The following POLN variants were observed in gnomAD, a reference collection of about 807,000 sequenced individuals.
The protein encoded by POLN is DNA polymerase nu, also known as DNA polymerase N.
POLN carries 108 observed loss-of-function variants against 113.5 expected under a neutral mutation model. The observed-to-expected ratio is 0.95, with a 90% CI of 0.81 to 1.12. The LOEUF (loss-of-function observed/expected upper bound fraction) is 1.12. Among genes scored for constraint, POLN ranks in the 50% most tolerant of loss-of-function variants. POLN has a pLI of 0.00. For synonymous variants in POLN, 386 were observed against 391.5 expected (o/e 0.99, Z 0.17); for missense variants, 1,097 against 1,077.1 (o/e 1.02, Z -0.26).
intron 3 of POLN, 38 bp downstream of exon 3, chr4:2,229,061 A>G: frequency 6.5e-7 from 1 of 1,537,564 alleles, no homozygotes; most frequent in South Asian, 1.2e-5. Context: ...TAACATTCAA[A>G]GTATCAAGAG....
intron 16 of POLN, among the ~76,000 whole-genome samples, chr4:2,149,827 T>A (rs1354866188): frequency 6.6e-6 from 1 of 151,812 alleles, no homozygotes; most frequent in Non-Finnish European, 1.5e-5. Context: ...CTCACACCTG[T>A]AATCCTAGCA....
At chr4:2,072,573 C>T (rs1012999603) in intron 25 of POLN, among the ~76,000 whole-genome samples, 43 of 152,214 alleles carry the variant, frequency 2.8e-4, no homozygotes, top group African/African-American at 8.9e-4. Context: ...GGGTAGGCTG[C>T]GGCCGGCAGA....
intron 2 of POLN, among the ~76,000 whole-genome samples, chr4:2,232,705 A>G (rs951011155): frequency 6.6e-6 from 1 of 151,002 alleles, no homozygotes; most frequent in Non-Finnish European, 1.5e-5. Context: ...TCCTAATCAT[A>G]TAATTTTCCT....
chr4:2,192,814 AAT>A (rs1042839251), intron 7 of POLN, among the ~76,000 whole-genome samples: 1 of 149,744 alleles, frequency 6.7e-6, no homozygotes, highest in Admixed American at 6.6e-5. Context: ...AAAAAATAAA[AAT>A]ATATATATAT....
chr4:2,141,995 C>G (rs1732014026), intron 16 of POLN, among the ~76,000 whole-genome samples: 1 of 152,192 alleles, frequency 6.6e-6, no homozygotes, highest in Non-Finnish European at 1.5e-5. Context: ...CTCTCATGCT[C>G]TCCCCCTCAG....
At chr4:2,214,388 A>C (rs1283811298) in intron 3 of POLN, among the ~76,000 whole-genome samples, 1 of 152,224 alleles carries the variant, frequency 6.6e-6, no homozygotes, top group African/African-American at 2.4e-5. Context: ...GGCTGGTATA[A>C]CTAGCACCAC....
intron 4 of POLN, among the ~76,000 whole-genome samples, chr4:2,210,103 A>T (rs1224308171): frequency 1.3e-5 from 2 of 151,732 alleles, no homozygotes; most frequent in Non-Finnish European, 2.9e-5. Flanking sequence ...ACATGTTATG[A>T]AAATTTTAAA....
intron 16 of POLN, among the ~76,000 whole-genome samples, chr4:2,149,860 G>T (rs1732246535): frequency 6.6e-6 from 1 of 152,024 alleles, no homozygotes; most frequent in Admixed American, 6.6e-5. Context: ...AAGGAGGGCG[G>T]ATCACGAGGT....
intron 3 of POLN, among the ~76,000 whole-genome samples, chr4:2,225,973 A>G: frequency 6.6e-6 from 1 of 152,098 alleles, no homozygotes; most frequent in African/African-American, 2.4e-5. Context: ...TGGGCGACAG[A>G]GCAAGACCCT....
At chr4:2,159,280 T>C in intron 13 of POLN, 69 bp from the exon 14 acceptor site, 4 of 1,277,158 alleles carry the variant, frequency 3.1e-6, no homozygotes, top group Non-Finnish European at 4.5e-6. Flanking sequence ...TATTTTCATC[T>C]GGAGAAAGTC....
chr4:2,095,982 G>A (rs1459492299), intron 19 of POLN, 49 bp from the exon 20 acceptor site: 1 of 1,516,416 alleles, frequency 6.6e-7, no homozygotes, highest in Non-Finnish European at 9.2e-7. Context: ...GGCACTGTCA[G>A]TGCAGGGCAG....
chr4:2,241,467 A>G, intron 2 of POLN, 53 bp downstream of exon 2: 4 of 982,370 alleles, frequency 4.1e-6, no homozygotes, highest in Non-Finnish European at 4.8e-6. Flanking sequence ...CTCCGTACGT[A>G]AGAAGACGCA....
At chr4:2,128,323 T>C (rs2108724400) in intron 18 of POLN, 96 bp from the exon 19 acceptor site, 1 of 714,064 alleles carries the variant, frequency 1.4e-6, no homozygotes, top group Non-Finnish European at 2.4e-6. Context: ...CCTGACTCTG[T>C]AGCCTCAAGG....
chr4:2,077,632 G>A (rs1730307053), intron 23 of POLN, among the ~76,000 whole-genome samples: 1 of 152,230 alleles, frequency 6.6e-6, no homozygotes, highest in African/African-American at 2.4e-5. Context: ...TTTTCAAATG[G>A]GCAGAAACCT....
rs113190849 is a variant in POLN, at chr4:2,174,817, A to G, written c.1249-66T>C. ...ATTATTGTATCTGCATTTTGTTGAA[A>G]AGCCTACTTTTTTTTTTTTTTTTGA... On this transcript the variant is annotated intron_variant, in intron 9 of 25. Transcript: ENST00000511885. 4.6e-4 allele frequency: 580 copies of G among 1,270,706 alleles called. 2 individuals carry two copies. In the African/African-American group the frequency reaches 8.6e-3, roughly 19 times the overall value. 78.7% of individuals were successfully genotyped at this position (1,270,706 alleles called of 1,614,324 possible).
chr4:2,204,109 C>CAAAAAAAAAAAAAAAAAAAAAAAAAAAA (rs566255148), intron 5 of POLN, among the ~76,000 whole-genome samples: 1 of 53,234 alleles, frequency 1.9e-5, no homozygotes. Flanking sequence ...AACTCTATCA[C>CAAAAAAAAAAAAAAAAAAAAAAAAAAAA]AAAAAAAAAA....
intron 3 of POLN, among the ~76,000 whole-genome samples, chr4:2,221,561 C>T (rs142803386): frequency 3.3e-5 from 5 of 151,956 alleles, no homozygotes; most frequent in Admixed American, 1.3e-4. Context: ...AAGAATGCAA[C>T]CTTTTGTCTC....
At chr4:2,176,234 T>C (rs1180523634) in intron 9 of POLN, 32 bp downstream of exon 9, 1 of 1,561,902 alleles carries the variant, frequency 6.4e-7, no homozygotes, top group Non-Finnish European at 8.8e-7. Context: ...TGTGAGCCTC[T>C]GTCAGCCAGA....
chr4:2,167,016 G>T (rs963682157), intron 13 of POLN, among the ~76,000 whole-genome samples: 1 of 152,166 alleles, frequency 6.6e-6, no homozygotes, highest in African/African-American at 2.4e-5. Flanking sequence ...CGCTGGAATA[G>T]ATATTCCATG....
Sources: allele counts gnomAD v4.1 joint callset (sites outside exome capture counted in the v4.1 genomes callset), GRCh38; gene constraint gnomAD v4.1.1; transcripts MANE v1.5; gene names NCBI Gene and HGNC (gene_info 2026-07-23, HGNC 2026-07-21).